BRINP3: variants seen among roughly 807,000 people sequenced by gnomAD.
The protein encoded by BRINP3 is BMP/retinoic acid-inducible neural-specific protein 3.
BRINP3 carries 19 observed loss-of-function variants against 71.0 expected under a neutral mutation model. The observed-to-expected ratio is 0.27, with a 90% CI of 0.19 to 0.39. BRINP3 has a LOEUF of 0.39. Ranked by LOEUF, BRINP3 falls within the 10% of genes least tolerant of loss-of-function variation. The pLI, the probability that BRINP3 is intolerant of heterozygous loss-of-function variation, is 1.00. For synonymous variants in BRINP3, 380 were observed against 337.7 expected, an observed-to-expected ratio of 1.13 and a Z score of -1.37; for missense variants, 959 against 940.8, an observed-to-expected ratio of 1.02 and a Z score of -0.25.
chr1:190,433,768 C>G (rs1674263783), intron 2 of BRINP3, among the ~76,000 whole-genome samples: 1 of 152,082 alleles, frequency 6.6e-6, no homozygotes, highest in African/African-American at 2.4e-5. Flanking sequence ...CCTTCATATA[C>G]TTTTTAATTT....
chr1:190,340,520 C>T (rs188921229), intron 2 of BRINP3, among the ~76,000 whole-genome samples: 10 of 151,936 alleles, frequency 6.6e-5, no homozygotes, highest in Admixed American at 2.6e-4. Context: ...TTTAATATCT[C>T]TGGAATTATG....
At chr1:190,135,740 A>G (rs1298060215) in intron 7 of BRINP3, among the ~76,000 whole-genome samples, 1 of 152,124 alleles carries the variant, frequency 6.6e-6, no homozygotes, top group African/African-American at 2.4e-5. Flanking sequence ...ATTATAAATT[A>G]ATAAATAATT....
intron 6 of BRINP3, among the ~76,000 whole-genome samples, chr1:190,216,128 C>T (rs778534566): frequency 6.6e-6 from 1 of 151,268 alleles, no homozygotes; most frequent in Non-Finnish European, 1.5e-5. Context: ...ATTATTTGCA[C>T]AAGTCTTTTG....
At chr1:190,133,357 T>C (rs1654701330) in intron 7 of BRINP3, among the ~76,000 whole-genome samples, 1 of 152,090 alleles carries the variant, frequency 6.6e-6, no homozygotes, top group African/African-American at 2.4e-5. Flanking sequence ...ACTGTCTTAC[T>C]GAAAATAAAT....
chr1:190,405,448 C>T (rs1203163483), intron 2 of BRINP3, among the ~76,000 whole-genome samples: 1 of 63,278 alleles, frequency 1.6e-5, no homozygotes, highest in African/African-American at 7.3e-5. Flanking sequence ...GAGACTCCGT[C>T]TCAAAAAAAA....
At chr1:190,178,460 C>G (rs1193838835) in intron 6 of BRINP3, among the ~76,000 whole-genome samples, 8 of 152,154 alleles carry the variant, frequency 5.3e-5, no homozygotes, top group Non-Finnish European at 8.8e-5. Flanking sequence ...ATGCCACACA[C>G]AAATAAATGC....
chr1:190,120,115 C>A (rs1057007080), intron 7 of BRINP3, among the ~76,000 whole-genome samples: 1 of 140,834 alleles, frequency 7.1e-6, no homozygotes, highest in African/African-American at 2.5e-5. Context: ...TATGGGCATT[C>A]TGAAAGACAT....
At chr1:190,230,299 G>T (rs1017970113) in intron 5 of BRINP3, among the ~76,000 whole-genome samples, 1 of 151,876 alleles carries the variant, frequency 6.6e-6, no homozygotes, top group Non-Finnish European at 1.5e-5. Flanking sequence ...GTAAAAAATT[G>T]TAAATTAATT....
chr1:190,177,708 C>T (rs550093837), intron 6 of BRINP3, among the ~76,000 whole-genome samples: 144 of 152,224 alleles, frequency 9.5e-4, no homozygotes, highest in African/African-American at 2.8e-3. Flanking sequence ...ATTTGACAAT[C>T]AAGGCTAATT....
At chr1:190,360,544 C>CT (rs1337039790) in intron 2 of BRINP3, among the ~76,000 whole-genome samples, 6 of 152,198 alleles carry the variant, frequency 3.9e-5, no homozygotes, top group African/African-American at 7.2e-5. Flanking sequence ...CTTTCATTAA[C>CT]TTTTTTCTGA....
chr1:190,195,223 A>ATTGG, intron 6 of BRINP3, among the ~76,000 whole-genome samples: 1 of 152,108 alleles, frequency 6.6e-6, no homozygotes, highest in South Asian at 2.1e-4. Context: ...GGTTACATCT[A>ATTGG]TAAAGTAAGA....
chr1:190,129,609 T>G (rs1474460433), intron 7 of BRINP3, among the ~76,000 whole-genome samples: 1 of 151,974 alleles, frequency 6.6e-6, no homozygotes, highest in Non-Finnish European at 1.5e-5. Flanking sequence ...AGAATGTTAC[T>G]GATGTGATGA....
intron 2 of BRINP3, among the ~76,000 whole-genome samples, chr1:190,372,461 C>T (rs1414224193): frequency 1.3e-5 from 2 of 152,142 alleles, no homozygotes; most frequent in Non-Finnish European, 2.9e-5. Context: ...TTGTGATGCT[C>T]AGGTTACAAC....
At chr1:190,360,265 G>A (rs967742404) in intron 2 of BRINP3, among the ~76,000 whole-genome samples, 1 of 152,186 alleles carries the variant, frequency 6.6e-6, no homozygotes, top group Non-Finnish European at 1.5e-5. Context: ...TCTAATTAGA[G>A]AAACTGCATA....
intron 6 of BRINP3, among the ~76,000 whole-genome samples, chr1:190,186,751 G>A (rs945700525): frequency 1.3e-5 from 2 of 152,056 alleles, no homozygotes; most frequent in African/African-American, 4.8e-5. Flanking sequence ...CTCACATTAT[G>A]TTAGGAATAT....
chr1:190,156,301 A>C (rs1048144171), intron 7 of BRINP3, among the ~76,000 whole-genome samples: 3 of 152,094 alleles, frequency 2.0e-5, no homozygotes, highest in African/African-American at 7.2e-5. Flanking sequence ...TTATTTTTCA[A>C]GATCTTAGCA....
chr1:190,347,055 A>G (rs1050813323), intron 2 of BRINP3, among the ~76,000 whole-genome samples: 2 of 152,126 alleles, frequency 1.3e-5, no homozygotes, highest in Admixed American at 6.6e-5. Context: ...ACACACACAC[A>G]AAGTCAAAGT....
intron 2 of BRINP3, among the ~76,000 whole-genome samples, chr1:190,414,234 G>A (rs1672869411): frequency 6.6e-6 from 1 of 152,118 alleles, no homozygotes; most frequent in Non-Finnish European, 1.5e-5. Flanking sequence ...CATAGTCAGA[G>A]TTTTCTGAGG....
chr1:190,163,459 G>C (rs564124975), intron 6 of BRINP3, among the ~76,000 whole-genome samples: 184 of 152,098 alleles, frequency 1.2e-3, no homozygotes, highest in African/African-American at 4.3e-3. Context: ...TGTATCAAGT[G>C]AGTACTTTTC....
Sources: allele counts gnomAD v4.1 joint callset (sites outside exome capture counted in the v4.1 genomes callset), GRCh38; gene constraint gnomAD v4.1.1; transcripts MANE v1.5; gene names NCBI Gene and HGNC (gene_info 2026-07-23, HGNC 2026-07-21).